Variants in TEAD2 observed in about 807,000 individuals in gnomAD.
The protein encoded by TEAD2 is TEA domain transcription factor 2.
TEAD2 carries 51 observed loss-of-function variants against 61.4 expected under a neutral mutation model. The ratio of observed to expected loss-of-function variants is 0.83; its 90% CI spans 0.66 to 1.05. The LOEUF is 1.05. TEAD2 is among the 50% of genes least tolerant of loss of function. The pLI is 0.00. For synonymous variants in TEAD2, 244 were observed against 243.2 expected (o/e 1.00, Z -0.03); for missense variants, 509 against 600.0 (o/e 0.85, Z 1.58).
At chr19:49,347,545 C>T (rs1199578135) in intron 9 of TEAD2, 182 bp from the exon 10 acceptor site, 10 of 632,382 alleles carry the variant, frequency 1.6e-5, no homozygotes, top group Non-Finnish European at 2.2e-5. Context: ...ACCCAGTCCC[C>T]TGCAGCCCTG....
In TEAD2 at chr19:49,340,687, G is replaced by A. The variant is rs1971203303; in HGVS notation, c.*637C>T. 2.3e-6 allele frequency: 1 copy of A among 426,782 alleles called. No homozygotes were observed. The highest frequency in any genetic ancestry group is 2.2e-5 in the South Asian group (1 of 44,672). The allele number at this position is 426,782 out of a possible 1,614,324, so 26.4% of individuals were successfully genotyped here. A position where few individuals can be genotyped will look rare whatever the true frequency, so the allele number is the denominator to read the frequency against. On this transcript the variant is annotated 3_prime_UTR_variant, in exon 13 of 13. Transcript: ENST00000593945. ...AACCGTCTAGCTCAGGGCTCACTTA[G>A]GAGAGGGATGAGATTAGAAAGTTCA...
chr19:49,344,560 C>T (rs368973167), intron 10 of TEAD2, among the ~76,000 whole-genome samples: 1 of 152,158 alleles, frequency 6.6e-6, no homozygotes, highest in Admixed American at 6.5e-5. Context: ...AGATTACAGG[C>T]ATGAGCCACT....
Position 49,340,640 on chromosome 19 carries a change from A to C in TEAD2, c.*684T>G. 3.9e-6 allele frequency: 2 copies of C among 509,636 alleles called. No homozygotes were observed. Among genetic ancestry groups the C allele is most frequent in the Non-Finnish European group, 3.6e-6 (1 of 280,058 alleles). 31.6% of individuals were successfully genotyped at this position (509,636 alleles called of 1,614,324 possible). A position where few individuals can be genotyped will look rare whatever the true frequency, so the allele number is the denominator to read the frequency against. ...TCCTCTGTCAGAACACAAACAAACA[A>C]ACTTTGAGAGGGGAGGAAGGAAACC... On this transcript the variant is annotated 3_prime_UTR_variant, in exon 13 of 13. Coordinates refer to ENST00000593945, the MANE Select transcript of TEAD2 (RefSeq NM_001256660.2).
Position 49,351,618 on chromosome 19 carries a change from C to T in TEAD2, c.540-253G>A, listed in dbSNP as rs77246579. ...GATGCAGCAGAGCTGGGACTTGAAC[C>T]CAGGTCAGTCTCAGCCCGGTATCTC... On this transcript the variant is annotated intron_variant, in intron 7 of 12. Coordinates refer to ENST00000593945, the MANE Select transcript of TEAD2 (RefSeq NM_001256660.2). Among the ~76,000 whole-genome samples, 1,216 of 152,232 alleles carry T rather than the reference C, an allele frequency of 8.0e-3. 12 individuals carry two copies. The highest frequency in any genetic ancestry group is 9.1e-3 in the Non-Finnish European group (620 of 68,012).
At chr19:49,346,485 C>T (rs1376905772) in intron 10 of TEAD2, among the ~76,000 whole-genome samples, 1 of 151,962 alleles carries the variant, frequency 6.6e-6, no homozygotes, top group African/African-American at 2.4e-5. Context: ...GGTGAAACCC[C>T]GTCTGTACTA....
At chr19:49,349,466 A>T (rs1046719718) in intron 8 of TEAD2, among the ~76,000 whole-genome samples, 14 of 151,872 alleles carry the variant, frequency 9.2e-5, no homozygotes, top group African/African-American at 3.4e-4. Context: ...CTGTCTCAAA[A>T]AAAAAAAAAA....
At chr19:49,355,718 T>G (rs1353050331) in intron 5 of TEAD2, among the ~76,000 whole-genome samples, 1 of 151,912 alleles carries the variant, frequency 6.6e-6, no homozygotes, top group African/African-American at 2.4e-5. Flanking sequence ...TCCCAGCTAC[T>G]AGGGAAGCTA....
Position 49,362,364 on chromosome 19 carries a change from C to T in TEAD2, c.-38G>A, listed in dbSNP as rs989145177. On this transcript the variant is annotated 5_prime_UTR_variant, in exon 1 of 13. Transcript: ENST00000593945. Reference sequence around the variant, plus strand: ...GCAGGATCCCCGACTCCCGCCGGCGCCTTCCTACCTCCCGGCCTGGGGCTG... The same window carrying T: ...GCAGGATCCCCGACTCCCGCCGGCGTCTTCCTACCTCCCGGCCTGGGGCTG... 2 of 152,248 alleles carry T rather than the reference C, an allele frequency of 1.3e-5. No individual in the cohort carries two copies. Among genetic ancestry groups the T allele is most frequent in the African/African-American group, 4.8e-5 (2 of 41,462 alleles). The allele number at this position is 152,248 out of a possible 1,614,324, so 9.4% of individuals were successfully genotyped here.
chr19:49,356,671 A>T (rs1972422503), intron 4 of TEAD2, among the ~76,000 whole-genome samples: 1 of 152,164 alleles, frequency 6.6e-6, no homozygotes, highest in Non-Finnish European at 1.5e-5. Flanking sequence ...TGAGACCGCC[A>T]GGAAGAGGGA....
rs1859785222 is a variant in TEAD2, at chr19:49,359,725, TCA to T, written c.232+117_232+118del. ...GCAAATCACTTAACCTAGCTGTGCC[TCA>T]GTTTCCTCATCTGTGCAAATGGTGA... is the stretch of plus-strand genomic sequence containing the variant. On this transcript the variant is annotated intron_variant, in intron 2 of 12. Transcript: ENST00000593945. The surrounding 1 kb of genome is among the most constrained non-coding windows in gnomAD (Gnocchi z 4.1). 1.8e-6 allele frequency: 2 copies of T among 1,142,782 alleles called. No homozygotes were observed. Among genetic ancestry groups the T allele is most frequent in the South Asian group, 2.8e-5 (2 of 71,682 alleles). The allele number at this position is 1,142,782 out of a possible 1,614,324, so 70.8% of individuals were successfully genotyped here.
intron 11 of TEAD2, 81 bp from the exon 12 acceptor site, chr19:49,342,671 C>T (rs1163362889): frequency 6.5e-7 from 1 of 1,542,724 alleles, no homozygotes; most frequent in East Asian, 2.3e-5. Flanking sequence ...CCACCCTGTG[C>T]CTCTAAGATG....
intron 1 of TEAD2, 126 bp from the exon 2 acceptor site, chr19:49,360,207 G>A: frequency 1.4e-6 from 1 of 726,952 alleles, no homozygotes; most frequent in Admixed American, 2.9e-5. Context: ...GGACTCCTGG[G>A]TCTGAGGGAA....
intron 3 of TEAD2, among the ~76,000 whole-genome samples, chr19:49,358,158 C>A (rs1302866651): frequency 6.6e-6 from 1 of 152,186 alleles, no homozygotes; most frequent in African/African-American, 2.4e-5. Context: ...CGCTTGAACC[C>A]GGGAGGCGGG....
chr19:49,360,329 T>C (rs1600801481), intron 1 of TEAD2: 1 of 500,280 alleles, frequency 2.0e-6, no homozygotes, highest in African/African-American at 2.1e-5. Context: ...GGGAGGAGGA[T>C]CTGGGGCCTG....
In TEAD2 at chr19:49,355,346, G is replaced by GA; in HGVS notation, c.445dup (p.Ser149PhefsTer15). The GA allele has an allele frequency of 6.2e-7, 1 of 1,614,228 alleles. No individual in the cohort carries two copies. Among genetic ancestry groups the GA allele is most frequent in the African/African-American group, 1.3e-5 (1 of 75,056 alleles). ...AGTGGGACCCAGTTTGGCCTGCAGA[G>GA]AAGGCGCGGAGATGAGCTGGGCAGA... On this transcript the variant is annotated frameshift_variant, in exon 6 of 13. Transcript: ENST00000593945. LOFTEE classifies it high-confidence loss of function.
In TEAD2 at chr19:49,341,248, G is replaced by C; in HGVS notation, c.*76C>G. 1 of 1,225,120 alleles carries C rather than the reference G, an allele frequency of 8.2e-7. No individual in the cohort carries two copies. The highest frequency in any genetic ancestry group is 1.2e-5 in the South Asian group (1 of 82,828). The allele number at this position is 1,225,120 out of a possible 1,614,324, so 75.9% of individuals were successfully genotyped here. A position where few individuals can be genotyped will look rare whatever the true frequency, so the allele number is the denominator to read the frequency against. ...ACATCACAGCCCTCTCCCCAAATAA[G>C]AAGCATGAGGTGAGCTGGAGGACCC... On this transcript the variant is annotated 3_prime_UTR_variant, in exon 13 of 13. Transcript: ENST00000593945. The surrounding 1 kb of genome is among the most constrained non-coding windows in gnomAD (Gnocchi z 4.2).
intron 10 of TEAD2, among the ~76,000 whole-genome samples, chr19:49,345,345 CTTCTTCCT>C (rs990037180): frequency 2.0e-5 from 3 of 149,708 alleles, no homozygotes; most frequent in African/African-American, 4.9e-5. Context: ...CCTTTCTTTC[CTTCTTCCT>C]TTCTTCCTTT....
intron 8 of TEAD2, among the ~76,000 whole-genome samples, chr19:49,350,518 G>A (rs144629428): frequency 7.9e-5 from 12 of 151,466 alleles, no homozygotes; most frequent in South Asian, 6.3e-4. Flanking sequence ...GTAGAGGTTG[G>A]GGGGGGTGGT....
At chr19:49,342,720 C>G (rs1971381784) in intron 11 of TEAD2, 130 bp from the exon 12 acceptor site, 2 of 1,159,998 alleles carry the variant, frequency 1.7e-6, no homozygotes, top group East Asian at 5.0e-5. Flanking sequence ...CCTTTCATCA[C>G]CCCACCCACA....
Sources: allele counts gnomAD v4.1 joint callset (sites outside exome capture counted in the v4.1 genomes callset), GRCh38; gene constraint gnomAD v4.1.1; non-coding constraint Gnocchi (gnomAD v3.1); transcripts MANE v1.5; gene names NCBI Gene and HGNC (gene_info 2026-07-23, HGNC 2026-07-21).